The following GOLGA3 variants were observed in gnomAD, a reference collection of about 807,000 sequenced individuals.
The protein encoded by GOLGA3 is golgin subfamily A member 3.
GOLGA3 carries 75 observed loss-of-function variants against 169.4 expected under a neutral mutation model. The ratio of observed to expected loss-of-function variants is 0.44; its 90% CI spans 0.37 to 0.54. The LOEUF is 0.54. GOLGA3 is among the 20% of genes least tolerant of loss of function. GOLGA3 has a pLI of 0.00. For synonymous variants in GOLGA3, 824 were observed against 822.4 expected (o/e 1.00, Z -0.03); for missense variants, 1,899 against 1,930.0 (o/e 0.98, Z 0.30).
chr12:132,775,571 A>G (rs2045182666), intron 21 of GOLGA3, among the ~76,000 whole-genome samples: 1 of 152,226 alleles, frequency 6.6e-6, no homozygotes, highest in Non-Finnish European at 1.5e-5. Context: ...GTTGATGCTC[A>G]GAAAGTTTCA....
chr12:132,815,010 C>T (rs185096340), intron 3 of GOLGA3, among the ~76,000 whole-genome samples: 37 of 152,316 alleles, frequency 2.4e-4, no homozygotes, highest in Admixed American at 2.2e-3. Context: ...CACACAGCAA[C>T]GCTTTACACA....
At chr12:132,775,392 A>G in intron 21 of GOLGA3, 87 bp from the exon 22 acceptor site, 1 of 1,174,558 alleles carries the variant, frequency 8.5e-7, no homozygotes, top group Non-Finnish European at 1.2e-6. Context: ...TAGGTTAAGC[A>G]CACACATGTC....
At chr12:132,807,521 C>T (rs1165734782) in intron 5 of GOLGA3, among the ~76,000 whole-genome samples, 1 of 152,126 alleles carries the variant, frequency 6.6e-6, no homozygotes, top group Non-Finnish European at 1.5e-5. Context: ...ATGCAAGCGT[C>T]GTGCAGCTTA....
intron 8 of GOLGA3, 108 bp downstream of exon 8, chr12:132,801,656 AAAC>A (rs1949132232): frequency 9.4e-6 from 10 of 1,062,452 alleles, no homozygotes; most frequent in Admixed American, 4.1e-5. Flanking sequence ...AGCAGGTTAA[AAAC>A]AAAAACATGC....
rs932802892 is a variant in GOLGA3 at position 132,813,300 on chromosome 12, G to C, written c.519+7C>G. 7.6e-6 allele frequency: 12 copies of C among 1,576,954 alleles called. No individual in the cohort carries two copies. Among genetic ancestry groups the C allele is most frequent in the Non-Finnish European group, 1.0e-5 (12 of 1,146,906 alleles). On this transcript the variant is annotated splice_region_variant and intron_variant, in intron 4 of 23. Transcript: ENST00000450791. ...TCCATGAGCTTGTTCGGGAGAGGGAGACTCACCCTCTCCTGCTGGCGCTTC... is the reference window on the plus strand; with the variant it reads ...TCCATGAGCTTGTTCGGGAGAGGGACACTCACCCTCTCCTGCTGGCGCTTC...
chr12:132,770,557 C>T lies in GOLGA3; in HGVS notation c.*2548G>A, dbSNP rs1179319910. 1.4e-5 allele frequency: 2 copies of T among 145,594 alleles called. No individual in the cohort carries two copies. Among genetic ancestry groups the T allele is most frequent in the Non-Finnish European group, 3.0e-5 (2 of 67,054 alleles). The allele number at this position is 145,594 out of a possible 1,614,324, so 9.0% of individuals were successfully genotyped here. A position where few individuals can be genotyped will look rare whatever the true frequency, so the allele number is the denominator to read the frequency against. On this transcript the variant is annotated 3_prime_UTR_variant, in exon 24 of 24. Transcript: ENST00000450791. ...AAAAAAAAATACATGGTGAACATCA[C>T]TCACTTGAGGACTTCCCATAAGCAA...
intron 8 of GOLGA3, among the ~76,000 whole-genome samples, chr12:132,800,367 G>A (rs1265852386): frequency 1.3e-4 from 20 of 152,030 alleles, no homozygotes; most frequent in African/African-American, 4.3e-4. Context: ...GGTGGCGGGC[G>A]CCTGTAATCC....
At chr12:132,816,862 C>G in intron 2 of GOLGA3, 50 bp from the exon 3 acceptor site, 1 of 1,501,864 alleles carries the variant, frequency 6.7e-7, no homozygotes, top group Admixed American at 2.2e-5. Context: ...AACAAGGTGA[C>G]GTCGCTTTTC....
intron 4 of GOLGA3, among the ~76,000 whole-genome samples, chr12:132,809,595 C>T (rs960836037): frequency 1.3e-5 from 2 of 152,244 alleles, no homozygotes; most frequent in Non-Finnish European, 1.5e-5. Context: ...GTGGCCCTGT[C>T]TGGGCATAAC....
intron 1 of GOLGA3, among the ~76,000 whole-genome samples, chr12:132,828,112 T>C (rs992234397): frequency 1.3e-5 from 2 of 152,174 alleles, no homozygotes; most frequent in African/African-American, 4.8e-5. Context: ...TCTCACAATT[T>C]TGCCTGGCTT....
Position 132,782,887 on chromosome 12 carries a change from A to G in GOLGA3, c.3268-394T>C, listed in dbSNP as rs553588132. Among the ~76,000 whole-genome samples the G allele has an allele frequency of 5.3e-5, 8 of 151,922 alleles. No homozygotes were observed. The South Asian group carries it at 8.3e-4, about 16-fold the overall frequency. ...CGAGACTCTGTCTCAAAAAAAAAAAAAAAAAGAAAAAGAAAAGAAAAGAAA... is the reference window on the plus strand; with the variant it reads ...CGAGACTCTGTCTCAAAAAAAAAAAGAAAAAGAAAAAGAAAAGAAAAGAAA... On this transcript the variant is annotated intron_variant, in intron 16 of 23. Transcript: ENST00000450791.
In GOLGA3 at chr12:132,780,925, T is replaced by C. The variant is rs1407323468; in HGVS notation, c.3466-11A>G. The C allele has an allele frequency of 6.3e-7, 1 of 1,589,764 alleles. No individual in the cohort carries two copies. Among genetic ancestry groups the C allele is most frequent in the South Asian group, 1.1e-5 (1 of 90,680 alleles). On this transcript the variant is annotated splice_polypyrimidine_tract_variant and intron_variant, in intron 17 of 23. Transcript: ENST00000450791. Reference sequence around the variant, plus strand: ...CAAAACTGCCTGCACCTAGATCAGATTGCAGGAGGACAGATAAGGAAGGAC... The same window carrying C: ...CAAAACTGCCTGCACCTAGATCAGACTGCAGGAGGACAGATAAGGAAGGAC...
In GOLGA3 at chr12:132,776,627, C is replaced by G. The variant is rs1411339298; in HGVS notation, c.3978+7G>C. On this transcript the variant is annotated splice_region_variant and intron_variant, in intron 21 of 23. Coordinates refer to ENST00000450791, the MANE Select transcript of GOLGA3 (RefSeq NM_001389683.1). Reference sequence around the variant, plus strand: ...CCGCCTGTGCCCAGCGCCTCACACACAGGTACCTGCAGCAGCTGCTGTAGC... The same window carrying G: ...CCGCCTGTGCCCAGCGCCTCACACAGAGGTACCTGCAGCAGCTGCTGTAGC... 2 of 1,602,154 alleles carry G rather than the reference C, an allele frequency of 1.2e-6. No individual in the cohort carries two copies. Among genetic ancestry groups the G allele is most frequent in the Non-Finnish European group, 1.7e-6 (2 of 1,175,180 alleles).
At position 132,804,916 on chromosome 12, in the gene GOLGA3, A is replaced by C; in HGVS notation, c.1397T>G (p.Leu466Arg). 1 of 1,613,842 alleles carries C rather than the reference A, an allele frequency of 6.2e-7. No individual in the cohort carries two copies. Among genetic ancestry groups the C allele is most frequent in the Non-Finnish European group, 8.5e-7 (1 of 1,180,014 alleles). ...CTTCAGGGTGTCCACCTCCGAGCTC[A>C]GCGAATCCTGCCGCTGCTGGCTGCT... ...SHSSQQRQDS[L>R]SSEVDTLKQS... The change falls in exon 7 of 24, where the codon CTG becomes CGG. Residue 466 changes from leucine to arginine, a missense_variant. Physicochemically the swap from Leu to Arg is moderately radical, Grantham distance 102. Transcript: ENST00000450791. This position sits in a 1 kb window ranked among gnomAD's most constrained non-coding sequence, Gnocchi z 4.1.
In GOLGA3 at chr12:132,812,610, C is replaced by T. The variant is rs75233918; in HGVS notation, c.519+697G>A. 4.7e-3 allele frequency among the ~76,000 whole-genome samples: 710 copies of T among 152,236 alleles called. 3 individuals carry two copies. Among genetic ancestry groups the T allele is most frequent in the Non-Finnish European group, 8.5e-3 (576 of 68,010 alleles). ...ACAGCGTTGAGGGATTCAGTGCTTC[C>T]GTGGAGAACTTGACTGCAGATGTGG... is the stretch of plus-strand genomic sequence containing the variant. On this transcript the variant is annotated intron_variant, in intron 4 of 23. Transcript: ENST00000450791.
intron 2 of GOLGA3, among the ~76,000 whole-genome samples, chr12:132,819,908 G>A (rs1163455688): frequency 2.6e-5 from 4 of 151,986 alleles, no homozygotes; most frequent in Non-Finnish European, 4.4e-5. Flanking sequence ...AACAGGGCGC[G>A]GTGGCTCACG....
intron 9 of GOLGA3, among the ~76,000 whole-genome samples, chr12:132,797,648 G>A (rs778029552): frequency 6.6e-6 from 1 of 151,982 alleles, no homozygotes; most frequent in Non-Finnish European, 1.5e-5. Flanking sequence ...GTAGGCAGAG[G>A]TTGCAGTGAG....
chr12:132,770,908 T>C lies in GOLGA3; in HGVS notation c.*2197A>G, dbSNP rs898600028. ...CCTCGGCCTCCCAAAGTGCTGGGAT[T>C]ACAGGCATGAGCCACCGCGCCCGGC... is the stretch of plus-strand genomic sequence containing the variant. On this transcript the variant is annotated 3_prime_UTR_variant, in exon 24 of 24. Transcript: ENST00000450791. 1 of 152,264 alleles carries C rather than the reference T, an allele frequency of 6.6e-6. No homozygotes were observed. Among genetic ancestry groups the C allele is most frequent in the African/African-American group, 2.4e-5 (1 of 41,446 alleles). The allele number at this position is 152,264 out of a possible 1,614,324, so 9.4% of individuals were successfully genotyped here.
chr12:132,816,465 C>A, intron 3 of GOLGA3, 75 bp downstream of exon 3: 2 of 1,466,636 alleles, frequency 1.4e-6, no homozygotes, highest in Admixed American at 3.5e-5. Context: ...ACAGTGAGTG[C>A]GCAGGGCACC....
Sources: gnomAD v4.1 joint callset for allele counts (sites outside exome capture counted in the v4.1 genomes callset) on GRCh38, gnomAD v4.1.1 for gene constraint, Gnocchi (gnomAD v3.1) non-coding constraint, MANE v1.5 for transcripts, NCBI Gene and HGNC (gene_info 2026-07-23, HGNC 2026-07-21) for gene names.